SLA: variants seen among roughly 807,000 people sequenced by gnomAD.
SLA encodes the protein Src like adaptor, also known as src-like-adapter.
In SLA, 16 loss-of-function variants were observed where a neutral mutation model predicts 30.3. The ratio of observed to expected loss-of-function variants is 0.53; its 90% confidence interval spans 0.36 to 0.80. The LOEUF (loss-of-function observed/expected upper bound fraction) is 0.80. SLA is among the 30% of genes least tolerant of loss of function. The probability of loss-of-function intolerance (pLI) is 0.01; values close to 1 mark genes in which losing one functional copy is unlikely to be tolerated. For missense variants in SLA, 310 were observed against 345.2 expected (o/e 0.90, Z 0.81); for synonymous variants, 143 against 137.8 (o/e 1.04, Z -0.26).
intron 1 of SLA, among the ~76,000 whole-genome samples, chr8:133,086,656 T>C (rs1588048156): frequency 2.0e-5 from 3 of 152,218 alleles, no homozygotes; most frequent in Admixed American, 2.0e-4. Flanking sequence ...GTATTGTCTG[T>C]AACATCATAA....
chr8:133,066,947 T>A (rs1195872749), intron 2 of SLA, among the ~76,000 whole-genome samples: 1 of 152,120 alleles, frequency 6.6e-6, no homozygotes, highest in African/African-American at 2.4e-5. Flanking sequence ...AGTCCTCAAA[T>A]CTGATGGGGA....
chr8:133,043,500 A>C (rs1448031744), intron 7 of SLA, among the ~76,000 whole-genome samples: 1 of 152,184 alleles, frequency 6.6e-6, no homozygotes, highest in Non-Finnish European at 1.5e-5. Context: ...TTTATTTTGC[A>C]TCTGCTATGT....
intron 2 of SLA, among the ~76,000 whole-genome samples, chr8:133,068,559 T>C (rs574544973): frequency 7.2e-5 from 11 of 152,294 alleles, no homozygotes; most frequent in African/African-American, 2.6e-4. Flanking sequence ...AACATAGTCA[T>C]ATGTGCCTTC....
chr8:133,054,268 G>A (rs1388037315), intron 3 of SLA, among the ~76,000 whole-genome samples: 2 of 152,092 alleles, frequency 1.3e-5, no homozygotes, highest in Non-Finnish European at 2.9e-5. Flanking sequence ...TGGAATTATT[G>A]CAGACTTAAG....
At chr8:133,057,092 C>T (rs1263741766) in intron 3 of SLA, among the ~76,000 whole-genome samples, 1 of 151,974 alleles carries the variant, frequency 6.6e-6, no homozygotes. Flanking sequence ...GCCCCACCCG[C>T]CCCCTTCTTT....
chr8:133,058,245 G>A lies in SLA; in HGVS notation c.61+1855C>T, dbSNP rs549879934. On this transcript the variant is annotated intron_variant, in intron 3 of 8. Coordinates refer to ENST00000338087, the MANE Select transcript of SLA (RefSeq NM_001045556.3). ...CCAATGATCGGGGGAACGTTTCAGG[G>A]CTGGGGGTTGAAAAAGCAGCCCACC... Among the ~76,000 whole-genome samples the A allele has an allele frequency of 1.2e-4, 19 of 152,228 alleles. No homozygotes were observed. The East Asian group carries it at 3.5e-3, about 28-fold the overall frequency.
At chr8:133,056,443 T>C (rs1331992415) in intron 3 of SLA, among the ~76,000 whole-genome samples, 7 of 152,182 alleles carry the variant, frequency 4.6e-5, no homozygotes, top group Admixed American at 2.0e-4. Context: ...GCCAGGCACA[T>C]TCTCATTCAT....
chr8:133,063,734 T>G (rs1348984082), intron 2 of SLA: 1 of 152,212 alleles, frequency 6.6e-6, no homozygotes, highest in African/African-American at 2.4e-5. Context: ...CCGGGCTATA[T>G]GACCACCAAA....
intron 2 of SLA, among the ~76,000 whole-genome samples, chr8:133,070,779 CT>C (rs1843886551): frequency 6.6e-6 from 1 of 152,212 alleles, no homozygotes; most frequent in Non-Finnish European, 1.5e-5. Context: ...GCACACAGGC[CT>C]GGGAGCTGGT....
At chr8:133,060,323 G>A (rs1238704264) in intron 2 of SLA, 123 bp from the exon 3 acceptor site, 2 of 1,555,944 alleles carry the variant, frequency 1.3e-6, no homozygotes, top group African/African-American at 1.4e-5. Context: ...AAAGGCGGCT[G>A]TTTATATGTG....
intron 1 of SLA, among the ~76,000 whole-genome samples, chr8:133,080,991 C>T (rs969722802): frequency 7.9e-5 from 12 of 152,236 alleles, no homozygotes; most frequent in African/African-American, 2.7e-4. Context: ...ATTGGAGTAA[C>T]GAGCAAGAGA....
chr8:133,061,032 G>A (rs1460571157), intron 2 of SLA, among the ~76,000 whole-genome samples: 2 of 152,118 alleles, frequency 1.3e-5, no homozygotes, highest in Non-Finnish European at 2.9e-5. Flanking sequence ...GTTTTTTTGA[G>A]ACGCAGTCTC....
At chr8:133,096,619 C>T (rs1250000218) in intron 1 of SLA, among the ~76,000 whole-genome samples, 1 of 152,110 alleles carries the variant, frequency 6.6e-6, no homozygotes, top group Non-Finnish European at 1.5e-5. Flanking sequence ...TGGAGCTGAC[C>T]CAGAAGCTCT....
intron 1 of SLA, among the ~76,000 whole-genome samples, chr8:133,096,628 C>G (rs1198900359): frequency 2.6e-5 from 4 of 152,210 alleles, no homozygotes; most frequent in Admixed American, 6.5e-5. Context: ...CCCAGAAGCT[C>G]TGCAGCTCAG....
intron 1 of SLA, among the ~76,000 whole-genome samples, chr8:133,082,946 G>C (rs1845979553): frequency 6.6e-6 from 1 of 152,226 alleles, no homozygotes; most frequent in South Asian, 2.1e-4. Context: ...TAACCGACTA[G>C]ATGGGTGTGA....
chr8:133,050,612 A>G (rs1199942523), intron 4 of SLA: 3 of 512,900 alleles, frequency 5.8e-6, no homozygotes, highest in Non-Finnish European at 1.0e-5. Flanking sequence ...AATTTGATCT[A>G]CCAGGCAGTG....
chr8:133,081,403 G>C (rs1464547235), intron 1 of SLA, among the ~76,000 whole-genome samples: 3 of 152,204 alleles, frequency 2.0e-5, no homozygotes, highest in South Asian at 4.1e-4. Flanking sequence ...AAAACCATCT[G>C]GGGGGAGAGC....
At chr8:133,075,220 GTCT>G (rs1300651398) in intron 1 of SLA, 90 bp from the exon 2 acceptor site, 2 of 716,256 alleles carry the variant, frequency 2.8e-6, no homozygotes, top group Non-Finnish European at 3.4e-6. Context: ...CAGAAGCTTG[GTCT>G]TCTTTCTCTA....
At chr8:133,040,716 A>G (rs1020027628) in intron 7 of SLA, among the ~76,000 whole-genome samples, 2 of 152,142 alleles carry the variant, frequency 1.3e-5, no homozygotes, top group Non-Finnish European at 2.9e-5. Context: ...AAAGAGGGCG[A>G]GGAGGAAAAG....
Sources: allele counts gnomAD v4.1 joint callset (sites outside exome capture counted in the v4.1 genomes callset), GRCh38; gene constraint gnomAD v4.1.1; transcripts MANE v1.5; gene names NCBI Gene and HGNC (gene_info 2026-07-23, HGNC 2026-07-21).